The following VANGL1 variants were observed in gnomAD, a reference collection of about 807,000 sequenced individuals.
The protein encoded by VANGL1 is vang-like protein 1.
VANGL1 carries 18 observed loss-of-function variants against 48.4 expected under a neutral mutation model. The ratio of observed to expected loss-of-function variants is 0.37; its 90% confidence interval spans 0.26 to 0.55. The LOEUF is 0.55. VANGL1 is among the 20% of genes least tolerant of loss of function. The pLI, the probability that VANGL1 is intolerant of heterozygous loss-of-function variation, is 0.81. For synonymous variants in VANGL1, 257 were observed against 261.8 expected, an observed-to-expected ratio of 0.98 and a Z score of 0.18; for missense variants, 667 against 675.8, an observed-to-expected ratio of 0.99 and a Z score of 0.14.
chr1:115,661,105 C>T (rs1413982729), intron 3 of VANGL1, among the ~76,000 whole-genome samples: 1 of 152,152 alleles, frequency 6.6e-6, no homozygotes, highest in African/African-American at 2.4e-5. Context: ...GTGTGAAAAG[C>T]ATTGAGATGG....
At chr1:115,654,519 A>AAAAAAAG in intron 2 of VANGL1, among the ~76,000 whole-genome samples, 1 of 151,742 alleles carries the variant, frequency 6.6e-6, no homozygotes, top group South Asian at 2.1e-4. Flanking sequence ...AAAAAAAAAA[A>AAAAAAAG]AAATTGGTAT....
intron 1 of VANGL1, among the ~76,000 whole-genome samples, chr1:115,647,673 G>A (rs1007513470): frequency 6.6e-6 from 1 of 152,162 alleles, no homozygotes; most frequent in African/African-American, 2.4e-5. Flanking sequence ...CTAGCCCTGT[G>A]TAGGTGGAGC....
rs759665824 is a variant in VANGL1, at chr1:115,685,334, G to T, written c.1121G>T (p.Arg374Leu). Reference sequence around the variant, plus strand: ...GAAGAGGCCTTCATCCACATTCAGCGTCTCCAGGCTGAGGAGCAGCAGAAA... The same window carrying T: ...GAAGAGGCCTTCATCCACATTCAGCTTCTCCAGGCTGAGGAGCAGCAGAAA... Reference protein sequence around the residue: ...AVEEAFIHIQRLQAEEQQKAP... With the variant: ...AVEEAFIHIQLLQAEEQQKAP... The change falls in exon 7 of 8, where the codon CGT becomes CTT. Residue 374 changes from arginine (R) to leucine (L), a missense_variant. Coordinates refer to ENST00000355485, the MANE Select transcript of VANGL1 (RefSeq NM_138959.3). 2 of 1,614,154 alleles carry T rather than the reference G, an allele frequency of 1.2e-6. No individual in the cohort carries two copies. Among genetic ancestry groups the T allele is most frequent in the South Asian group, 2.2e-5 (2 of 91,082 alleles).
At chr1:115,680,010 T>A (rs1653318725) in intron 4 of VANGL1, among the ~76,000 whole-genome samples, 2 of 95,572 alleles carry the variant, frequency 2.1e-5, no homozygotes, top group Admixed American at 2.3e-4. Context: ...TGTGTGTGTG[T>A]GTGTGTGTGT....
Position 115,659,540 on chromosome 1 carries a change from TA to T in VANGL1, c.72-100del. The T allele has an allele frequency of 2.9e-6, 4 of 1,367,870 alleles. No individual in the cohort carries two copies. The South Asian group carries it at 4.7e-5, about 16-fold the overall frequency. 84.7% of individuals were successfully genotyped at this position (1,367,870 alleles called of 1,614,324 possible). A position where few individuals can be genotyped will look rare whatever the true frequency, so the allele number is the denominator to read the frequency against. On this transcript the variant is annotated intron_variant, in intron 2 of 7. Coordinates refer to ENST00000355485, the MANE Select transcript of VANGL1 (RefSeq NM_138959.3). ...GTGTGTGTGTGTGTGTGTGTGTGTG[TA>T]TGTAGAATTTCCCTAAATTCAAAAT... is the stretch of plus-strand genomic sequence containing the variant.
chr1:115,671,593 TC>T, intron 4 of VANGL1, among the ~76,000 whole-genome samples: 1 of 152,182 alleles, frequency 6.6e-6, no homozygotes, highest in Non-Finnish European at 1.5e-5. Context: ...CTGTCTTTGA[TC>T]CCCATGCCTC....
At chr1:115,678,130 G>A (rs1306068250) in intron 4 of VANGL1, among the ~76,000 whole-genome samples, 1 of 152,248 alleles carries the variant, frequency 6.6e-6, no homozygotes, top group Non-Finnish European at 1.5e-5. Context: ...GCATGGGCAA[G>A]CTTGTTGAAG....
rs1345763069 is a variant in VANGL1 at position 115,696,388 on chromosome 1, G to A, written c.*5009G>A. On this transcript the variant is annotated 3_prime_UTR_variant, in exon 8 of 8. Transcript: ENST00000355485. ...GCATCCCACCGTCTTTCTCACACTT[G>A]CCCCCAAGACTTTTGACAGAGCAGA... 6.6e-6 allele frequency: 1 copy of A among 152,210 alleles called. No individual in the cohort carries two copies. Among genetic ancestry groups the A allele is most frequent in the Non-Finnish European group, 1.5e-5 (1 of 68,042 alleles). The allele number at this position is 152,210 out of a possible 1,614,324, so 9.4% of individuals were successfully genotyped here.
At chr1:115,648,536 GTTT>G (rs1652019345) in intron 1 of VANGL1, among the ~76,000 whole-genome samples, 1 of 152,330 alleles carries the variant, frequency 6.6e-6, no homozygotes, top group South Asian at 2.1e-4. Context: ...ATGGCCACAA[GTTT>G]TCAATGAGGA....
chr1:115,677,405 G>A (rs1653210101), intron 4 of VANGL1, among the ~76,000 whole-genome samples: 1 of 152,200 alleles, frequency 6.6e-6, no homozygotes, highest in Non-Finnish European at 1.5e-5. Context: ...TAGGCCAGTA[G>A]GCAATGTGGT....
chr1:115,695,424 A>G lies in VANGL1; in HGVS notation c.*4045A>G, dbSNP rs889787963. On this transcript the variant is annotated 3_prime_UTR_variant, in exon 8 of 8. Coordinates refer to ENST00000355485, the MANE Select transcript of VANGL1 (RefSeq NM_138959.3). ...ACTACTGTGAATTTACTACTATGTA[A>G]CCTTGTGGTCGTATTTCATTATAAA... The G allele has an allele frequency of 3.3e-5, 5 of 152,616 alleles. No homozygotes were observed. Among genetic ancestry groups the G allele is most frequent in the African/African-American group, 1.2e-4 (5 of 41,434 alleles). 9.5% of individuals were successfully genotyped at this position (152,616 alleles called of 1,614,324 possible). A position where few individuals can be genotyped will look rare whatever the true frequency, so the allele number is the denominator to read the frequency against.
chr1:115,686,185 A>G (rs1367920370), intron 7 of VANGL1, among the ~76,000 whole-genome samples: 2 of 152,138 alleles, frequency 1.3e-5, no homozygotes, highest in Admixed American at 6.5e-5. Context: ...AAACAAGTGT[A>G]GAGGAACTGA....
chr1:115,663,146 G>GT (rs1652631746), intron 3 of VANGL1, among the ~76,000 whole-genome samples: 1 of 152,208 alleles, frequency 6.6e-6, no homozygotes. Context: ...GTGTAGTGGT[G>GT]TAAGTTCCCT....
chr1:115,686,130 A>G (rs1653607224), intron 7 of VANGL1, among the ~76,000 whole-genome samples: 1 of 152,000 alleles, frequency 6.6e-6, no homozygotes, highest in South Asian at 2.1e-4. Flanking sequence ...TTACACAACA[A>G]CCCTGTCAGA....
intron 4 of VANGL1, among the ~76,000 whole-genome samples, chr1:115,664,861 C>G (rs1652714347): frequency 6.6e-6 from 1 of 152,150 alleles, no homozygotes. Flanking sequence ...ATACTTACAT[C>G]TCTGCATAAA....
intron 7 of VANGL1, among the ~76,000 whole-genome samples, chr1:115,686,771 T>G (rs1430486532): frequency 6.6e-6 from 1 of 152,174 alleles, no homozygotes; most frequent in East Asian, 1.9e-4. Flanking sequence ...ATAATAATAA[T>G]AGCAATTTAG....
rs1201173032 is a variant in VANGL1, at chr1:115,689,663, A to C, written c.1315-1456A>C. On this transcript the variant is annotated intron_variant, in intron 7 of 7. Coordinates refer to ENST00000355485, the MANE Select transcript of VANGL1 (RefSeq NM_138959.3). The stretch of plus-strand genomic sequence containing the variant: ...AAAAAAAAAAAGAGGATACTAGTTA[A>C]AAACTGTTCTTCGCCAGGTGCAGTG... Among the ~76,000 whole-genome samples the C allele has an allele frequency of 3.0e-5, 4 of 135,040 alleles. 1 individual carries two copies. Among genetic ancestry groups the C allele is most frequent in the Non-Finnish European group, 4.8e-5 (3 of 62,292 alleles). The allele number at this position is 135,040 out of a possible 152,430, so 88.6% of individuals were successfully genotyped here.
At chr1:115,651,581 A>C in intron 2 of VANGL1, 97 bp downstream of exon 2, 1 of 1,064,112 alleles carries the variant, frequency 9.4e-7, no homozygotes, top group Non-Finnish European at 1.4e-6. Flanking sequence ...AGCGCTGGAC[A>C]TTTGGTCGGT....
At position 115,685,442 on chromosome 1, in the gene VANGL1, G is replaced by A. The variant is rs751585191; in HGVS notation, c.1229G>A (p.Arg410His). ...GCCAGGGCTCTCCAGAAGTACCTGC[G>A]CATCACCCGGCAGCAGAACTACCAC... ...SMARALQKYL[R>H]ITRQQNYHSM... The change falls in exon 7 of 8, where the codon CGC becomes CAC. Residue 410 changes from arginine (R) to histidine (H), a missense_variant. By Grantham distance (29) the Arg-to-His change is conservative (BLOSUM62 0). Transcript: ENST00000355485. 23 of 1,613,936 alleles carry A rather than the reference G, an allele frequency of 1.4e-5. No homozygotes were observed. The highest frequency in any genetic ancestry group is 2.7e-5 in the African/African-American group (2 of 74,890).
Sources: gnomAD v4.1 joint callset for allele counts (sites outside exome capture counted in the v4.1 genomes callset) on GRCh38, gnomAD v4.1.1 for gene constraint, MANE v1.5 for transcripts, NCBI Gene and HGNC (gene_info 2026-07-23, HGNC 2026-07-21) for gene names.